The following PCDHB11 variants were observed in gnomAD, a reference collection of about 807,000 sequenced individuals.
The protein encoded by PCDHB11 is protocadherin beta-11.
For missense variants in PCDHB11, 1,151 were observed against 1,003.4 expected (o/e 1.15, Z -1.99); for synonymous variants, 522 against 442.0 (o/e 1.18, Z -2.27).
At position 141,201,340 on chromosome 5, in the gene PCDHB11, G is replaced by T. The variant is rs201080221; in HGVS notation, c.1566G>T (p.Glu522Asp). 3.1e-6 allele frequency: 5 copies of T among 1,613,386 alleles called. No individual in the cohort carries two copies. The highest frequency in any genetic ancestry group is 1.7e-5 in the Admixed American group (1 of 60,020). The change falls in exon 1 of 1, where the codon GAG becomes GAT. Residue 522 changes from glutamate to aspartate, a missense_variant. Coordinates refer to ENST00000354757, the MANE Select transcript of PCDHB11 (RefSeq NM_018931.3). Reference protein sequence around the residue: ...HLFALRSLDYEALQAFDFRVG... With the variant: ...HLFALRSLDYDALQAFDFRVG... ...TCGCCCTCAGGTCGCTGGACTACGA[G>T]GCCCTGCAGGCTTTCGACTTCCGCG...
Position 141,200,222 on chromosome 5 carries a change from G to A in PCDHB11, c.448G>A (p.Ala150Thr). Reference sequence around the variant, plus strand: ...AATCCCAGAGAACAGTCCCGTTGGTGCTGTGTTCTTACTAGAAAGTGCGAA... The same window carrying A: ...AATCCCAGAGAACAGTCCCGTTGGTACTGTGTTCTTACTAGAAAGTGCGAA... Reference protein sequence around the residue: ...LEIPENSPVGAVFLLESAKDL... With the variant: ...LEIPENSPVGTVFLLESAKDL... Residue 150 changes from alanine to threonine, a missense_variant, in exon 1 of 1, where the codon GCT (alanine) becomes ACT (threonine). Physicochemically the swap from Ala to Thr is moderately conservative, Grantham distance 58. Transcript: ENST00000354757. The A allele has an allele frequency of 1.9e-6, 3 of 1,614,178 alleles. No homozygotes were observed. The highest frequency in any genetic ancestry group is 2.5e-6 in the Non-Finnish European group (3 of 1,180,034).
chr5:141,200,545 T>C lies in PCDHB11; in HGVS notation c.771T>C (p.Leu257=), dbSNP rs781993031. Residue 257 remains leucine (L), a synonymous_variant, in exon 1 of 1, where the codon CTT becomes CTC. Transcript: ENST00000354757. The part of the protein sequence containing the change: ...YEVKIRENSI[L]GSLILIVSAW... ...TGAAGATTCGGGAGAATAGCATCCT[T>C]GGCTCGCTGATTTTGATTGTCTCAG... 6.2e-7 allele frequency: 1 copy of C among 1,614,096 alleles called. No individual in the cohort carries two copies. Among genetic ancestry groups the C allele is most frequent in the Non-Finnish European group, 8.5e-7 (1 of 1,180,060 alleles).
rs782787225 is a variant in PCDHB11 at position 141,201,019 on chromosome 5, C to T, written c.1245C>T (p.Ala415=). ...GACCACTGGACAGAGAGAGCACAGCCGAGTACAATATCACCATCACCGTCA... is the reference window on the plus strand; with the variant it reads ...GACCACTGGACAGAGAGAGCACAGCTGAGTACAATATCACCATCACCGTCA... The part of the protein sequence containing the change: ...TERPLDREST[A]EYNITITVTD... Residue 415 remains alanine (A), a synonymous_variant, in exon 1 of 1, where the codon GCC becomes GCT. Coordinates refer to ENST00000354757, the MANE Select transcript of PCDHB11 (RefSeq NM_018931.3). The T allele has an allele frequency of 1.2e-5, 20 of 1,614,032 alleles. No homozygotes were observed. Among genetic ancestry groups the T allele is most frequent in the Non-Finnish European group, 1.5e-5 (18 of 1,180,034 alleles).
rs1171594251 is a variant in PCDHB11, at chr5:141,201,519, C to T, written c.1745C>T (p.Pro582Leu). 1.9e-5 allele frequency: 30 copies of T among 1,608,624 alleles called. No homozygotes were observed. Among genetic ancestry groups the T allele is most frequent in the Non-Finnish European group, 2.5e-5 (29 of 1,178,852 alleles). ...GAGCTGGTGCCCCGGGCGGCCGAGC[C>T]GGGCTACCTGGTGACCAAGGTGGTG... The part of the protein sequence containing the change: ...CTELVPRAAE[P>L]GYLVTKVVAV... The change falls in exon 1 of 1, where the codon CCG (proline) becomes CTG (leucine). Residue 582 changes from proline to leucine, a missense_variant. Physicochemically the swap from Pro to Leu is moderately conservative, Grantham distance 98. Coordinates refer to ENST00000354757, the MANE Select transcript of PCDHB11 (RefSeq NM_018931.3).
chr5:141,200,715 C>T lies in PCDHB11; in HGVS notation c.941C>T (p.Ser314Leu), dbSNP rs782542139. ...RAPLDFETIE[S>L]YSIIIQATDG... ...CCTCTGGATTTTGAAACGATTGAGT[C>T]ATACTCAATAATCATTCAAGCCACA... Residue 314 changes from serine (S) to leucine (L), a missense_variant, in exon 1 of 1, where the codon TCA becomes TTA. Coordinates refer to ENST00000354757, the MANE Select transcript of PCDHB11 (RefSeq NM_018931.3). 1.2e-6 allele frequency: 2 copies of T among 1,614,064 alleles called. No individual in the cohort carries two copies. The highest frequency in any genetic ancestry group is 3.3e-5 in the Admixed American group (2 of 60,022).
Position 141,201,790 on chromosome 5 carries a change from G to A in PCDHB11, c.2016G>A (p.Pro672=), listed in dbSNP as rs61745619. 2 of 1,610,012 alleles carry A rather than the reference G, an allele frequency of 1.2e-6. No individual in the cohort carries two copies. Among genetic ancestry groups the A allele is most frequent in the Admixed American group, 1.7e-5 (1 of 60,012 alleles). ...LVDGFSQPYL[P]LPEAAPAQAQ... ...ACGGCTTCTCCCAGCCCTACCTGCC[G>A]CTCCCTGAGGCGGCACCGGCCCAGG... Residue 672 remains proline, a synonymous_variant, in exon 1 of 1, where the codon CCG becomes CCA. Coordinates refer to ENST00000354757, the MANE Select transcript of PCDHB11 (RefSeq NM_018931.3).
chr5:141,201,708 A>G lies in PCDHB11; in HGVS notation c.1934A>G (p.Lys645Arg). 1 of 1,607,382 alleles carries G rather than the reference A, an allele frequency of 6.2e-7. No homozygotes were observed. The highest frequency in any genetic ancestry group is 1.1e-5 in the South Asian group (1 of 90,968). Residue 645 changes from lysine (K) to arginine (R), a missense_variant, in exon 1 of 1, where the codon AAG (lysine) becomes AGG (arginine). Transcript: ENST00000354757. Reference protein sequence around the residue: ...AAKHRLVVLVKDNGEPPRSAT... With the variant: ...AAKHRLVVLVRDNGEPPRSAT... ...AAGCACAGGCTGGTGGTGCTGGTCA[A>G]GGACAATGGCGAGCCTCCGCGCTCG...
At position 141,200,741 on chromosome 5, in the gene PCDHB11, G is replaced by A; in HGVS notation, c.967G>A (p.Asp323Asn). The change falls in exon 1 of 1, where the codon GAT becomes AAT. Residue 323 changes from aspartate to asparagine, a missense_variant. Physicochemically the swap from Asp to Asn is conservative, Grantham distance 23. Coordinates refer to ENST00000354757, the MANE Select transcript of PCDHB11 (RefSeq NM_018931.3). ...ATACTCAATAATCATTCAAGCCACA[G>A]ATGGGGGAGGACTTTTTGGAAAATC... ...ESYSIIIQATDGGGLFGKSTV... is the reference protein window; with the variant it reads ...ESYSIIIQATNGGGLFGKSTV... 1.9e-6 allele frequency: 3 copies of A among 1,614,204 alleles called. No homozygotes were observed. Among genetic ancestry groups the A allele is most frequent in the African/African-American group, 1.3e-5 (1 of 75,050 alleles).
chr5:141,202,087 C>G lies in PCDHB11; in HGVS notation c.2313C>G (p.Ile771Met), dbSNP rs368891553. 1 of 1,614,064 alleles carries G rather than the reference C, an allele frequency of 6.2e-7. No homozygotes were observed. Among genetic ancestry groups the G allele is most frequent in the African/African-American group, 1.3e-5 (1 of 74,928 alleles). The change falls in exon 1 of 1, where the codon ATC becomes ATG. Residue 771 changes from isoleucine (I) to methionine (M), a missense_variant. Physicochemically the swap from Ile to Met is conservative, Grantham distance 10. Transcript: ENST00000354757. ...TNEFKFLKPV[I>M]PNIQAKGLGK... The stretch of plus-strand genomic sequence containing the variant: ...AATTCAAGTTCCTAAAACCGGTTAT[C>G]CCTAATATCCAGGCAAAAGGTCTTG...
At position 141,201,823 on chromosome 5, in the gene PCDHB11, C is replaced by T. The variant is rs1554285717; in HGVS notation, c.2049C>T (p.Ala683=). 6.2e-7 allele frequency: 1 copy of T among 1,610,532 alleles called. No individual in the cohort carries two copies. Among genetic ancestry groups the T allele is most frequent in the African/African-American group, 1.3e-5 (1 of 74,876 alleles). The change falls in exon 1 of 1, where the codon GCC becomes GCT. Residue 683 remains alanine, a synonymous_variant. Coordinates refer to ENST00000354757, the MANE Select transcript of PCDHB11 (RefSeq NM_018931.3). Reference sequence around the variant, plus strand: ...AGGCGGCACCGGCCCAGGCCCAGGCCGACTCGCTCACCGTCTACTTGGTGG... The same window carrying T: ...AGGCGGCACCGGCCCAGGCCCAGGCTGACTCGCTCACCGTCTACTTGGTGG... ...LPEAAPAQAQ[A]DSLTVYLVVA...
chr5:141,201,961 G>C lies in PCDHB11; in HGVS notation c.2187G>C (p.Lys729Asn). The part of the protein sequence containing the change: ...AASVGSCSVP[K>N]GPFPGHLVDV... ...CGGTGGGAAGCTGCTCGGTGCCTAAGGGCCCCTTTCCAGGGCATCTGGTGG... is the reference window on the plus strand; with the variant it reads ...CGGTGGGAAGCTGCTCGGTGCCTAACGGCCCCTTTCCAGGGCATCTGGTGG... Residue 729 changes from lysine to asparagine, a missense_variant, in exon 1 of 1, where the codon AAG (lysine) becomes AAC (asparagine). By Grantham distance (94) the Lys-to-Asn change is moderately conservative. Coordinates refer to ENST00000354757, the MANE Select transcript of PCDHB11 (RefSeq NM_018931.3). The C allele has an allele frequency of 1.2e-6, 2 of 1,614,176 alleles. No homozygotes were observed. The highest frequency in any genetic ancestry group is 1.7e-4 in the Middle Eastern group (1 of 6,054).
Position 141,200,714 on chromosome 5 carries a change from T to A in PCDHB11, c.940T>A (p.Ser314Thr). 6.2e-7 allele frequency: 1 copy of A among 1,614,126 alleles called. No homozygotes were observed. Residue 314 changes from serine to threonine, a missense_variant, in exon 1 of 1, where the codon TCA becomes ACA. Transcript: ENST00000354757. Reference sequence around the variant, plus strand: ...ACCTCTGGATTTTGAAACGATTGAGTCATACTCAATAATCATTCAAGCCAC... The same window carrying A: ...ACCTCTGGATTTTGAAACGATTGAGACATACTCAATAATCATTCAAGCCAC... ...RAPLDFETIE[S>T]YSIIIQATDG... is the part of the protein sequence containing the mutation.
In PCDHB11 at chr5:141,200,362, G is replaced by A; in HGVS notation, c.588G>A (p.Leu196=). 2 of 1,614,130 alleles carry A rather than the reference G, an allele frequency of 1.2e-6. No homozygotes were observed. Among genetic ancestry groups the A allele is most frequent in the Non-Finnish European group, 1.7e-6 (2 of 1,180,010 alleles). Residue 196 remains leucine, a synonymous_variant, in exon 1 of 1, where the codon CTG becomes CTA. Coordinates refer to ENST00000354757, the MANE Select transcript of PCDHB11 (RefSeq NM_018931.3). ...PDNRKYPELV[L]DKALDYEELP... ...ATAGGAAATACCCCGAGTTAGTTCT[G>A]GACAAGGCGCTGGATTATGAAGAGC...
Position 141,199,841 on chromosome 5 carries a change from A to G in PCDHB11, c.67A>G (p.Met23Val). ...CCTGCTTCTCTTTGTTTTGCTCGGA[A>G]TGTCTCAGGCGGGCTCTGAAACCTG... is the stretch of plus-strand genomic sequence containing the variant. ...QVLLLFVLLG[M>V]SQAGSETWSF... is the part of the protein sequence containing the mutation. The change falls in exon 1 of 1, where the codon ATG becomes GTG. Residue 23 changes from methionine (M) to valine (V), a missense_variant. By Grantham distance (21) the Met-to-Val change is conservative. Transcript: ENST00000354757. The G allele has an allele frequency of 3.1e-6, 5 of 1,614,166 alleles. No individual in the cohort carries two copies. The highest frequency in any genetic ancestry group is 4.2e-6 in the Non-Finnish European group (5 of 1,180,038).
rs782793590 is a variant in PCDHB11 at position 141,202,100 on chromosome 5, G to A, written c.2326G>A (p.Ala776Thr). The A allele has an allele frequency of 5.0e-6, 8 of 1,614,128 alleles. No individual in the cohort carries two copies. The East Asian group carries it at 1.1e-4, about 22-fold the overall frequency. ...AAAACCGGTTATCCCTAATATCCAG[G>A]CAAAAGGTCTTGGGAAGAATAGTGA... ...FLKPVIPNIQAKGLGKNSEEN... is the reference protein window; with the variant it reads ...FLKPVIPNIQTKGLGKNSEEN... The change falls in exon 1 of 1, where the codon GCA becomes ACA. Residue 776 changes from alanine (A) to threonine (T), a missense_variant. By Grantham distance (58) the Ala-to-Thr change is moderately conservative. Transcript: ENST00000354757.
chr5:141,199,973 G>A lies in PCDHB11; in HGVS notation c.199G>A (p.Val67Ile), dbSNP rs144478036. Residue 67 changes from valine (V) to isoleucine (I), a missense_variant, in exon 1 of 1, where the codon GTC becomes ATC. Transcript: ENST00000354757. ...ACTGTCCTCACGGGGGGCTCGGGTG[G>A]TCTCTAATGATAAGAAACAGCGTTT... ...RELSSRGARVVSNDKKQRLQL... is the reference protein window; with the variant it reads ...RELSSRGARVISNDKKQRLQL... 1.7e-5 allele frequency: 27 copies of A among 1,614,044 alleles called. No individual in the cohort carries two copies. Among genetic ancestry groups the A allele is most frequent in the Non-Finnish European group, 2.3e-5 (27 of 1,180,044 alleles).
Position 141,202,080 on chromosome 5 carries a change from C to T in PCDHB11, c.2306C>T (p.Pro769Leu), listed in dbSNP as rs782341704. ...ACAAATGAATTCAAGTTCCTAAAAC[C>T]GGTTATCCCTAATATCCAGGCAAAA... ...SETNEFKFLKPVIPNIQAKGL... is the reference protein window; with the variant it reads ...SETNEFKFLKLVIPNIQAKGL... The change falls in exon 1 of 1, where the codon CCG (proline) becomes CTG (leucine). Residue 769 changes from proline to leucine, a missense_variant. Pro to Leu is a moderately conservative substitution (Grantham distance 98). Coordinates refer to ENST00000354757, the MANE Select transcript of PCDHB11 (RefSeq NM_018931.3). 14 of 1,614,106 alleles carry T rather than the reference C, an allele frequency of 8.7e-6. No individual in the cohort carries two copies. The South Asian group carries it at 1.5e-4, about 18-fold the overall frequency.
Position 141,200,074 on chromosome 5 carries a change from G to A in PCDHB11, c.300G>A (p.Glu100=). Residue 100 remains glutamate (E), a synonymous_variant, in exon 1 of 1, where the codon GAG becomes GAA. Transcript: ENST00000354757. ...LDREELCGSI[E]PCVLHLQVLM... ...GGGAGGAGCTCTGCGGTTCCATCGA[G>A]CCTTGCGTGCTACATTTGCAGGTGT... 6.2e-7 allele frequency: 1 copy of A among 1,614,178 alleles called. No individual in the cohort carries two copies. Among genetic ancestry groups the A allele is most frequent in the Non-Finnish European group, 8.5e-7 (1 of 1,180,052 alleles).
Position 141,202,285 on chromosome 5 carries a change from TTTC to T in PCDHB11, c.*120_*122del. On this transcript the variant is annotated 3_prime_UTR_variant, in exon 1 of 1. Coordinates refer to ENST00000354757, the MANE Select transcript of PCDHB11 (RefSeq NM_018931.3). Reference sequence around the variant, plus strand: ...ATACGACTAATTGTATTTTTAATTTTTTCTTTTCTCCCCCAATTTTTTTTTTTT... The same window carrying T: ...ATACGACTAATTGTATTTTTAATTTTTTTTCTCCCCCAATTTTTTTTTTTT... 9.2e-7 allele frequency: 1 copy of T among 1,088,614 alleles called. No homozygotes were observed. Among genetic ancestry groups the T allele is most frequent in the Non-Finnish European group, 1.3e-6 (1 of 786,692 alleles). The allele number at this position is 1,088,614 out of a possible 1,614,324, so 67.4% of individuals were successfully genotyped here. A position where few individuals can be genotyped will look rare whatever the true frequency, so the allele number is the denominator to read the frequency against.
Sources: allele counts gnomAD v4.1 joint callset, GRCh38; gene constraint gnomAD v4.1.1; transcripts MANE v1.5; gene names NCBI Gene and HGNC (gene_info 2026-07-23, HGNC 2026-07-21).